VAPA: variants seen among roughly 807,000 people sequenced by gnomAD.
VAPA encodes vesicle-associated membrane protein-associated protein A.
Under a neutral mutation model 25.6 loss-of-function variants are expected in VAPA, and 6 were observed. The ratio of observed to expected loss-of-function variants is 0.23; its 90% CI spans 0.13 to 0.46. The LOEUF (loss-of-function observed/expected upper bound fraction) is 0.46. Among genes scored for constraint, VAPA ranks in the 20% least tolerant of loss-of-function variants. The pLI is 0.99. For missense variants in VAPA, 244 were observed against 302.1 expected, an observed-to-expected ratio of 0.81 and a Z score of 1.43; for synonymous variants, 112 against 106.2, an observed-to-expected ratio of 1.05 and a Z score of -0.34.
intron 1 of VAPA, among the ~76,000 whole-genome samples, chr18:9,927,474 C>CTT (rs74852348): frequency 1.9e-3 from 252 of 135,686 alleles, no homozygotes; most frequent in African/African-American, 4.8e-3. Context: ...TACAGTGGTT[C>CTT]TTTTTTTTTT....
intron 1 of VAPA, 175 bp downstream of exon 1, chr18:9,914,510 C>A: frequency 2.3e-6 from 1 of 441,570 alleles, no homozygotes; most frequent in South Asian, 5.0e-5. Context: ...CCGGCCTGCC[C>A]CTTGCTCCGG....
intron 1 of VAPA, among the ~76,000 whole-genome samples, chr18:9,921,230 A>C (rs548619126): frequency 6.6e-6 from 1 of 152,210 alleles, no homozygotes; most frequent in African/African-American, 2.4e-5. Context: ...TTTGCAGGTA[A>C]TAGTGCTTTC....
At chr18:9,914,536 C>G (rs1599092414) in intron 1 of VAPA, 1 of 296,836 alleles carries the variant, frequency 3.4e-6, no homozygotes, top group East Asian at 6.1e-5. Context: ...TTCATCCCCT[C>G]CCGCCCGCCC....
At chr18:9,917,784 A>G (rs910205554) in intron 1 of VAPA, among the ~76,000 whole-genome samples, 2 of 151,982 alleles carry the variant, frequency 1.3e-5, no homozygotes, top group African/African-American at 2.4e-5. Flanking sequence ...CAGCTAGTGC[A>G]TCTGCATAGA....
At chr18:9,947,367 G>A (rs2069436453) in intron 4 of VAPA, among the ~76,000 whole-genome samples, 1 of 152,142 alleles carries the variant, frequency 6.6e-6, no homozygotes, top group Non-Finnish European at 1.5e-5. Flanking sequence ...ATAATGTATT[G>A]TGATAAGACC....
chr18:9,950,330 T>C, intron 4 of VAPA, 65 bp from the exon 5 acceptor site: 2 of 1,531,540 alleles, frequency 1.3e-6, no homozygotes, highest in Non-Finnish European at 1.8e-6. Context: ...TTTATATTGT[T>C]ATTTGTTTAA....
At chr18:9,952,275 C>T (rs9964688) in intron 5 of VAPA, among the ~76,000 whole-genome samples, 3 of 151,934 alleles carry the variant, frequency 2.0e-5, no homozygotes, top group Admixed American at 2.0e-4. Flanking sequence ...AAAAGTAAAA[C>T]AAAAAAGCTG....
intron 5 of VAPA, among the ~76,000 whole-genome samples, chr18:9,952,534 C>T (rs1365541054): frequency 6.7e-6 from 1 of 150,268 alleles, no homozygotes; most frequent in Non-Finnish European, 1.5e-5. Context: ...CCATTGTACT[C>T]CAGCCTGGGT....
intron 4 of VAPA, among the ~76,000 whole-genome samples, chr18:9,945,848 A>G (rs1407416347): frequency 3.3e-5 from 5 of 152,142 alleles, no homozygotes; most frequent in African/African-American, 4.8e-5. Flanking sequence ...GGAAAAAAAA[A>G]CTTCAGGTAA....
intron 4 of VAPA, among the ~76,000 whole-genome samples, chr18:9,944,392 AGAAAG>A (rs1353027333): frequency 2.6e-5 from 4 of 152,170 alleles, no homozygotes; most frequent in East Asian, 1.9e-4. Flanking sequence ...GAATTTGAAA[AGAAAG>A]GAAGAGAACT....
intron 1 of VAPA, among the ~76,000 whole-genome samples, chr18:9,922,731 A>G (rs887138065): frequency 1.3e-5 from 2 of 152,116 alleles, no homozygotes; most frequent in South Asian, 2.1e-4. Context: ...GAAAAAAGGC[A>G]GAGAAACGTA....
intron 4 of VAPA, among the ~76,000 whole-genome samples, chr18:9,939,945 C>T (rs1355522075): frequency 3.3e-5 from 5 of 152,212 alleles, no homozygotes; most frequent in African/African-American, 1.2e-4. Flanking sequence ...TGGTCATACT[C>T]TGTCATTCCT....
At chr18:9,941,578 C>T (rs918172249) in intron 4 of VAPA, among the ~76,000 whole-genome samples, 1 of 151,964 alleles carries the variant, frequency 6.6e-6, no homozygotes, top group African/African-American at 2.4e-5. Context: ...TCAATATTCT[C>T]TATAGACGAA....
At chr18:9,916,176 T>G (rs2069110478) in intron 1 of VAPA, among the ~76,000 whole-genome samples, 1 of 152,036 alleles carries the variant, frequency 6.6e-6, no homozygotes, top group Non-Finnish European at 1.5e-5. Context: ...AGTAAGGGAG[T>G]AATAATAGTG....
intron 4 of VAPA, 76 bp downstream of exon 4, chr18:9,937,142 G>A: frequency 8.0e-7 from 1 of 1,242,606 alleles, no homozygotes; most frequent in Non-Finnish European, 1.1e-6. Flanking sequence ...TTTTATTTTT[G>A]ACCTTTGAGG....
At chr18:9,945,615 T>G (rs2069414986) in intron 4 of VAPA, among the ~76,000 whole-genome samples, 1 of 152,098 alleles carries the variant, frequency 6.6e-6, no homozygotes, top group Admixed American at 6.6e-5. Context: ...CCACCTGCCT[T>G]GGCCTCCCAA....
At chr18:9,934,251 T>C (rs906638744) in intron 2 of VAPA, among the ~76,000 whole-genome samples, 1 of 152,054 alleles carries the variant, frequency 6.6e-6, no homozygotes, top group Non-Finnish European at 1.5e-5. Flanking sequence ...TTGAATTTGC[T>C]TCAATTTGTG....
At chr18:9,919,482 CAGA>C (rs1407522053) in intron 1 of VAPA, among the ~76,000 whole-genome samples, 3 of 152,200 alleles carry the variant, frequency 2.0e-5, no homozygotes, top group East Asian at 3.9e-4. Context: ...ATAAAATAAT[CAGA>C]AGAATAAAGT....
At chr18:9,945,091 C>G in intron 4 of VAPA, 1 of 1,607,370 alleles carries the variant, frequency 6.2e-7, no homozygotes, top group Non-Finnish European at 8.5e-7. Flanking sequence ...ACTTAGGAGT[C>G]TACTAGTGTC....
Sources: gnomAD v4.1 joint callset for allele counts (sites outside exome capture counted in the v4.1 genomes callset) on GRCh38, gnomAD v4.1.1 for gene constraint, MANE v1.5 for transcripts, NCBI Gene and HGNC (gene_info 2026-07-23, HGNC 2026-07-21) for gene names.